NCOA6: variants seen among roughly 807,000 people sequenced by gnomAD.
NCOA6 encodes nuclear receptor coactivator 6.
NCOA6 carries 49 observed loss-of-function variants against 171.4 expected under a neutral mutation model. The observed-to-expected ratio is 0.29, with a 90% confidence interval of 0.23 to 0.36. The LOEUF (loss-of-function observed/expected upper bound fraction) is 0.36. Among genes scored for constraint, NCOA6 ranks in the 10% least tolerant of loss-of-function variants. The probability of loss-of-function intolerance (pLI) is 1.00; values close to 1 mark genes in which losing one functional copy is unlikely to be tolerated. For missense variants in NCOA6, 2,248 were observed against 2,554.5 expected, an observed-to-expected ratio of 0.88 and a Z score of 2.59; for synonymous variants, 910 against 927.5, an observed-to-expected ratio of 0.98 and a Z score of 0.34.
In NCOA6 at chr20:34,768,514, G is replaced by C. The variant is rs200584640; in HGVS notation, c.464C>G (p.Ala155Gly). ...QDVRMNGPMG[A>G]GNSVRMEAGF... ...CGCCTCCATCCTAACTGAATTTCCAGCTCCCATGGGTCCATTCATTCTCAC... is the reference window on the plus strand; with the variant it reads ...CGCCTCCATCCTAACTGAATTTCCACCTCCCATGGGTCCATTCATTCTCAC... Residue 155 changes from alanine to glycine, a missense_variant, in exon 5 of 15, where the codon GCT becomes GGT. Ala to Gly is a moderately conservative substitution (Grantham distance 60, BLOSUM62 0). Coordinates refer to ENST00000359003, the MANE Select transcript of NCOA6 (RefSeq NM_014071.5). The C allele has an allele frequency of 1.9e-5, 31 of 1,614,146 alleles. No individual in the cohort carries two copies. The highest frequency in any genetic ancestry group is 3.3e-4 in the Middle Eastern group (2 of 6,062).
At chr20:34,802,387 GT>G in intron 1 of NCOA6, among the ~76,000 whole-genome samples, 1 of 152,324 alleles carries the variant, frequency 6.6e-6, no homozygotes, top group Non-Finnish European at 1.5e-5. Context: ...GGATCACGAG[GT>G]TAGGAGATCG....
chr20:34,816,650 T>C (rs1021329764), intron 1 of NCOA6, among the ~76,000 whole-genome samples: 3 of 151,724 alleles, frequency 2.0e-5, no homozygotes, highest in Non-Finnish European at 2.9e-5. Flanking sequence ...TCCACCCACC[T>C]TGGCCTCCTA....
At chr20:34,734,358 C>T (rs1386056234) in intron 12 of NCOA6, among the ~76,000 whole-genome samples, 2 of 151,204 alleles carry the variant, frequency 1.3e-5, no homozygotes, top group East Asian at 3.9e-4. Flanking sequence ...GCCACCGCAC[C>T]TGGCCTATTT....
chr20:34,732,516 T>A, intron 13 of NCOA6, 43 bp downstream of exon 13: 1 of 1,593,170 alleles, frequency 6.3e-7, no homozygotes, highest in Non-Finnish European at 8.6e-7. Context: ...TCAAAGAGGC[T>A]TATGCTGTGT....
intron 11 of NCOA6, chr20:34,738,807 G>T (rs1465480905): frequency 1.6e-5 from 7 of 450,704 alleles, no homozygotes; most frequent in Admixed American, 7.1e-5. Context: ...GTTAAGGAAC[G>T]TATCAACTGT....
chr20:34,738,116 T>C (rs564747784), intron 11 of NCOA6, among the ~76,000 whole-genome samples: 77 of 152,248 alleles, frequency 5.1e-4, no homozygotes, highest in African/African-American at 1.9e-3. Flanking sequence ...TTGCCCGGCA[T>C]GGTCTCAAAC....
In NCOA6 at chr20:34,757,404, T is replaced by G; in HGVS notation, c.1344A>C (p.Gln448His). Residue 448 changes from glutamine (Q) to histidine (H), a missense_variant, in exon 7 of 15, where the codon CAA (glutamine) becomes CAC (histidine). Coordinates refer to ENST00000359003, the MANE Select transcript of NCOA6 (RefSeq NM_014071.5). ...GSPASSPTVN[Q>H]TQQQMGPRPP... ...GCCTTGGTCCCATCTGCTGCTGAGTTTGGTTAACCGTTGGGGAGGATGCAG... is the reference window on the plus strand; with the variant it reads ...GCCTTGGTCCCATCTGCTGCTGAGTGTGGTTAACCGTTGGGGAGGATGCAG... 1.2e-6 allele frequency: 2 copies of G among 1,613,908 alleles called. No homozygotes were observed. The highest frequency in any genetic ancestry group is 1.7e-6 in the Non-Finnish European group (2 of 1,179,888).
chr20:34,787,855 T>A (rs1364598026), intron 2 of NCOA6, among the ~76,000 whole-genome samples: 1 of 151,992 alleles, frequency 6.6e-6, no homozygotes, highest in African/African-American at 2.4e-5. Context: ...TTTGCAATTA[T>A]ATTTATACCT....
intron 5 of NCOA6, among the ~76,000 whole-genome samples, chr20:34,761,933 C>T (rs1004227777): frequency 7.2e-5 from 11 of 151,954 alleles, no homozygotes; most frequent in Middle Eastern, 3.2e-3. Context: ...GGATTACAGG[C>T]GTGAGCTATC....
chr20:34,771,518 G>A (rs535219474), intron 4 of NCOA6, among the ~76,000 whole-genome samples: 5 of 152,246 alleles, frequency 3.3e-5, no homozygotes, highest in East Asian at 1.9e-4. Context: ...TACTTACAGC[G>A]CACGTCAGTT....
chr20:34,806,622 T>G (rs564310859), intron 1 of NCOA6, among the ~76,000 whole-genome samples: 44 of 152,334 alleles, frequency 2.9e-4, no homozygotes, highest in African/African-American at 1.0e-3. Flanking sequence ...CTTCTCCATG[T>G]GGATATCCAG....
intron 14 of NCOA6, among the ~76,000 whole-genome samples, chr20:34,722,160 C>CA (rs1465732182): frequency 1.3e-5 from 2 of 149,392 alleles, no homozygotes; most frequent in African/African-American, 4.9e-5. Flanking sequence ...GCAGGTGGAT[C>CA]ATTTGAGGTT....
chr20:34,804,647 T>C (rs1568881016), intron 1 of NCOA6, among the ~76,000 whole-genome samples: 1 of 152,104 alleles, frequency 6.6e-6, no homozygotes, highest in Non-Finnish European at 1.5e-5. Context: ...GAGCAATATT[T>C]ATATTTTAAA....
chr20:34,748,146 A>C (rs1006676767), intron 9 of NCOA6, among the ~76,000 whole-genome samples: 2 of 152,184 alleles, frequency 1.3e-5, no homozygotes, highest in African/African-American at 4.8e-5. Context: ...TACACACTAG[A>C]GGCAACTGAA....
At position 34,743,018 on chromosome 20, in the gene NCOA6, C is replaced by T. The variant is rs369408264; in HGVS notation, c.3238G>A (p.Val1080Ile). ...MQQSGSVPVM[V>I]SLQGPASVPP... ...ACGGAGGCAGGTCCTTGCAGACTGA[C>T]CATGACAGGCACACTGCCACTCTGT... Residue 1080 changes from valine to isoleucine, a missense_variant, in exon 11 of 15, where the codon GTC becomes ATC. Physicochemically the swap from Val to Ile is conservative, Grantham distance 29. This residue lies in a region of NCOA6 where 352 missense variants were observed against 419.1 expected (regional missense o/e 0.84). Transcript: ENST00000359003. The T allele has an allele frequency of 3.7e-6, 6 of 1,613,614 alleles. No individual in the cohort carries two copies. The African/African-American group carries it at 8.0e-5, about 22-fold the overall frequency.
intron 7 of NCOA6, among the ~76,000 whole-genome samples, chr20:34,755,919 T>C (rs994834968): frequency 3.3e-5 from 5 of 152,232 alleles, no homozygotes; most frequent in East Asian, 1.9e-4. Context: ...GTATTTTTAG[T>C]AGAGACGGGG....
intron 10 of NCOA6, among the ~76,000 whole-genome samples, chr20:34,744,980 G>C (rs753582892): frequency 6.6e-6 from 1 of 152,220 alleles, no homozygotes; most frequent in African/African-American, 2.4e-5. Context: ...GGCTGCTACA[G>C]AGTCCAGAAG....
intron 1 of NCOA6, among the ~76,000 whole-genome samples, chr20:34,803,531 G>T (rs1042070928): frequency 8.0e-5 from 12 of 150,336 alleles, no homozygotes; most frequent in Non-Finnish European, 1.5e-4. Context: ...CAAACTGGAA[G>T]ATTTAAAAAT....
At chr20:34,715,799 CT>C (rs1988488850) in intron 14 of NCOA6, among the ~76,000 whole-genome samples, 1 of 152,140 alleles carries the variant, frequency 6.6e-6, no homozygotes, top group Non-Finnish European at 1.5e-5. Context: ...CTTGGGATCC[CT>C]TTTGGAGCCA....
Sources: allele counts gnomAD v4.1 joint callset (sites outside exome capture counted in the v4.1 genomes callset), GRCh38; gene constraint gnomAD v4.1.1; regional missense constraint gnomAD v4.1.1; transcripts MANE v1.5; gene names NCBI Gene and HGNC (gene_info 2026-07-23, HGNC 2026-07-21).